Variants in RTN1 observed in about 807,000 individuals in gnomAD.
RTN1 encodes the protein reticulon-1.
In RTN1, 25 loss-of-function variants were observed where a neutral mutation model predicts 65.5. The ratio of observed to expected loss-of-function variants is 0.38; its 90% confidence interval spans 0.28 to 0.53. The LOEUF (loss-of-function observed/expected upper bound fraction) is 0.53, where lower values mean the gene tolerates loss of function less well. Among genes scored for constraint, RTN1 ranks in the 20% least tolerant of loss-of-function variants. The probability of loss-of-function intolerance (pLI) is 0.79; values close to 1 mark genes in which losing one functional copy is unlikely to be tolerated. For missense variants in RTN1, 983 were observed against 1,025.4 expected (o/e 0.96, Z 0.57); for synonymous variants, 471 against 447.6 (o/e 1.05, Z -0.66).
chr14:59,667,295 C>A (rs1287162194), intron 3 of RTN1, among the ~76,000 whole-genome samples: 1 of 152,170 alleles, frequency 6.6e-6, no homozygotes, highest in Non-Finnish European at 1.5e-5. Flanking sequence ...GGATGCAAGG[C>A]TGGTTCAACA....
chr14:59,840,172 T>C (rs1321650813), intron 1 of RTN1, among the ~76,000 whole-genome samples: 1 of 152,184 alleles, frequency 6.6e-6, no homozygotes, highest in Non-Finnish European at 1.5e-5. Context: ...TAGTGTTTAG[T>C]GTTAGTCCAG....
At chr14:59,670,584 G>C (rs192824491) in intron 3 of RTN1, among the ~76,000 whole-genome samples, 38 of 152,346 alleles carry the variant, frequency 2.5e-4, no homozygotes, top group Admixed American at 5.2e-4. Context: ...ACTCACATCT[G>C]ATGTTAAACT....
intron 3 of RTN1, among the ~76,000 whole-genome samples, chr14:59,635,008 T>C (rs1882632699): frequency 6.6e-6 from 1 of 152,244 alleles, no homozygotes. Flanking sequence ...GGAACTTGAA[T>C]AATTTATCCA....
rs901572266 is a variant in RTN1 at position 59,803,657 on chromosome 14, C to T, written c.242-57176G>A. On this transcript the variant is annotated intron_variant, in intron 1 of 8. Coordinates refer to ENST00000267484, the MANE Select transcript of RTN1 (RefSeq NM_021136.3). This position sits in a 1 kb window ranked among gnomAD's most constrained non-coding sequence, Gnocchi z 5.6. ...ATGTGACCCACTTCTATTCATCATCCAGCTCTTTCTGCCTGGATACGTTAC... is the reference window on the plus strand; with the variant it reads ...ATGTGACCCACTTCTATTCATCATCTAGCTCTTTCTGCCTGGATACGTTAC... 1.3e-5 allele frequency among the ~76,000 whole-genome samples: 2 copies of T among 152,160 alleles called. No individual in the cohort carries two copies. The highest frequency in any genetic ancestry group is 4.8e-5 in the African/African-American group (2 of 41,432).
chr14:59,792,693 C>T (rs138358238), intron 1 of RTN1, among the ~76,000 whole-genome samples: 18 of 152,154 alleles, frequency 1.2e-4, no homozygotes, highest in African/African-American at 3.9e-4. Context: ...TACTTTAACC[C>T]GGTCACACTT....
Position 59,661,971 on chromosome 14 carries a change from G to C in RTN1, c.1766-54479C>G, listed in dbSNP as rs1883258088. ...AGAGGAAGTCAAATTGTCCCTGTTT[G>C]CAGATGACATGATTGTATATTTAGA... On this transcript the variant is annotated intron_variant, in intron 3 of 8. Coordinates refer to ENST00000267484, the MANE Select transcript of RTN1 (RefSeq NM_021136.3). Among the ~76,000 whole-genome samples, 3 of 152,136 alleles carry C rather than the reference G, an allele frequency of 2.0e-5. No individual in the cohort carries two copies. In the South Asian group the frequency reaches 6.2e-4, roughly 32 times the overall value.
At chr14:59,660,945 G>C (rs1354991125) in intron 3 of RTN1, among the ~76,000 whole-genome samples, 1 of 151,868 alleles carries the variant, frequency 6.6e-6, no homozygotes, top group Non-Finnish European at 1.5e-5. Flanking sequence ...AAGAATCCAG[G>C]AGCTGTTTTT....
intron 3 of RTN1, among the ~76,000 whole-genome samples, chr14:59,726,173 T>C (rs569994908): frequency 3.9e-5 from 6 of 152,334 alleles, no homozygotes; most frequent in African/African-American, 1.4e-4. Flanking sequence ...GAAGAATCTC[T>C]TGTACACGTA....
chr14:59,809,857 T>C (rs910136046), intron 1 of RTN1, among the ~76,000 whole-genome samples: 1 of 152,168 alleles, frequency 6.6e-6, no homozygotes, highest in African/African-American at 2.4e-5. Flanking sequence ...TTTTTGTGCT[T>C]TTTTTATATT....
chr14:59,741,722 C>T (rs551998287), intron 2 of RTN1, among the ~76,000 whole-genome samples: 2 of 152,326 alleles, frequency 1.3e-5, no homozygotes, highest in African/African-American at 2.4e-5. Flanking sequence ...CCCCACTTCC[C>T]TCTTCCTCCC....
At chr14:59,741,471 G>T (rs1885116210) in intron 2 of RTN1, among the ~76,000 whole-genome samples, 1 of 152,120 alleles carries the variant, frequency 6.6e-6, no homozygotes, top group Non-Finnish European at 1.5e-5. Context: ...TAGATTGTAA[G>T]CTCCATGAAG....
intron 1 of RTN1, among the ~76,000 whole-genome samples, chr14:59,863,240 T>A (rs1012950295): frequency 1.3e-5 from 2 of 152,094 alleles, no homozygotes; most frequent in African/African-American, 4.8e-5. Context: ...TTCATCTCAC[T>A]CTCCATACAG....
intron 3 of RTN1, among the ~76,000 whole-genome samples, chr14:59,656,812 C>A (rs1488217872): frequency 6.6e-6 from 1 of 152,188 alleles, no homozygotes; most frequent in Non-Finnish European, 1.5e-5. Context: ...ACATTTCCAC[C>A]AAACACAGGC....
intron 1 of RTN1, among the ~76,000 whole-genome samples, chr14:59,862,453 A>C (rs1887727737): frequency 6.6e-6 from 1 of 152,088 alleles, no homozygotes; most frequent in South Asian, 2.1e-4. Flanking sequence ...CCCTCCTACT[A>C]TCTACCTCAA....
chr14:59,756,412 A>G (rs1277876032), intron 1 of RTN1, among the ~76,000 whole-genome samples: 2 of 152,206 alleles, frequency 1.3e-5, no homozygotes, highest in African/African-American at 4.8e-5. Context: ...TAATTCATAT[A>G]GCATAAAATT....
chr14:59,730,941 G>A (rs1884883207), intron 2 of RTN1, among the ~76,000 whole-genome samples: 1 of 152,174 alleles, frequency 6.6e-6, no homozygotes. Flanking sequence ...ACAAAAGTCT[G>A]ACAGCTCCTT....
At chr14:59,748,981 G>C (rs980162350) in intron 1 of RTN1, among the ~76,000 whole-genome samples, 1 of 150,716 alleles carries the variant, frequency 6.6e-6, no homozygotes, top group African/African-American at 2.4e-5. Flanking sequence ...ATAGAGACAG[G>C]GTTTTGTCAT....
At chr14:59,717,979 G>A (rs978265233) in intron 3 of RTN1, among the ~76,000 whole-genome samples, 1 of 152,154 alleles carries the variant, frequency 6.6e-6, no homozygotes, top group East Asian at 1.9e-4. Context: ...GAAATCCTGG[G>A]GTGAGCCCGG....
Position 59,669,029 on chromosome 14 carries a change from C to T in RTN1, c.1765+57890G>A, listed in dbSNP as rs1594667268. On this transcript the variant is annotated intron_variant, in intron 3 of 8. Coordinates refer to ENST00000267484, the MANE Select transcript of RTN1 (RefSeq NM_021136.3). Reference sequence around the variant, plus strand: ...GTGGGAGTGTAAATTAGTTCAACCACTGTGGAAGACAGTGTGGCGATTCCT... The same window carrying T: ...GTGGGAGTGTAAATTAGTTCAACCATTGTGGAAGACAGTGTGGCGATTCCT... 3.9e-5 allele frequency among the ~76,000 whole-genome samples: 6 copies of T among 152,182 alleles called. No individual in the cohort carries two copies. In the East Asian group the frequency reaches 1.2e-3, roughly 29 times the overall value.
Sources: gnomAD v4.1 joint callset for allele counts (sites outside exome capture counted in the v4.1 genomes callset) on GRCh38, gnomAD v4.1.1 for gene constraint, Gnocchi (gnomAD v3.1) non-coding constraint, MANE v1.5 for transcripts, NCBI Gene and HGNC (gene_info 2026-07-23, HGNC 2026-07-21) for gene names.